ATRNL1: variants seen among roughly 807,000 people sequenced by gnomAD.
The protein encoded by ATRNL1 is attractin-like protein 1.
A neutral mutation model predicts 182.7 loss-of-function variants in ATRNL1; 95 were observed. That is an observed-to-expected ratio of 0.52 (90% CI 0.44 to 0.62). The LOEUF is 0.62. Ranked by LOEUF, ATRNL1 falls within the 20% of genes least tolerant of loss-of-function variation. The pLI, the probability that ATRNL1 is intolerant of heterozygous loss-of-function variation, is 0.00. For missense variants in ATRNL1, 1,471 were observed against 1,679.5 expected (o/e 0.88, Z 2.17); for synonymous variants, 576 against 568.3 (o/e 1.01, Z -0.19).
intron 27 of ATRNL1, among the ~76,000 whole-genome samples, chr10:115,770,476 T>G (rs567793394): frequency 7.2e-5 from 11 of 152,186 alleles, no homozygotes; most frequent in Non-Finnish European, 1.2e-4. Context: ...GAAAGGTAAC[T>G]GATTAAGCTT....
intron 15 of ATRNL1, among the ~76,000 whole-genome samples, chr10:115,295,751 G>A (rs1564888217): frequency 6.6e-6 from 1 of 152,138 alleles, no homozygotes; most frequent in African/African-American, 2.4e-5. Context: ...GCTCAGAAGT[G>A]CAGTGGTGGG....
intron 26 of ATRNL1, among the ~76,000 whole-genome samples, chr10:115,607,577 G>T (rs1856936114): frequency 6.6e-6 from 1 of 151,734 alleles, no homozygotes; most frequent in African/African-American, 2.4e-5. Context: ...TACAGTTGAG[G>T]AAATTGAGCT....
chr10:115,113,372 C>A (rs1844340431), intron 1 of ATRNL1, among the ~76,000 whole-genome samples: 1 of 152,114 alleles, frequency 6.6e-6, no homozygotes, highest in African/African-American at 2.4e-5. Context: ...CATTAGGCAT[C>A]CACCTTATAG....
chr10:115,770,002 G>A (rs1444167430), intron 27 of ATRNL1, among the ~76,000 whole-genome samples: 1 of 152,022 alleles, frequency 6.6e-6, no homozygotes, highest in African/African-American at 2.4e-5. Context: ...CCTCTCATTT[G>A]CACAAGTCCC....
intron 25 of ATRNL1, among the ~76,000 whole-genome samples, chr10:115,531,986 A>T (rs1228247485): frequency 2.0e-5 from 3 of 149,608 alleles, no homozygotes; most frequent in Admixed American, 1.3e-4. Flanking sequence ...CCATTGATCT[A>T]TATCTCTGTT....
intron 28 of ATRNL1, among the ~76,000 whole-genome samples, chr10:115,928,916 A>T (rs1387993308): frequency 1.3e-5 from 2 of 151,946 alleles, no homozygotes; most frequent in Admixed American, 6.6e-5. Context: ...TGATTCTCTC[A>T]TACTTTTAAG....
chr10:115,525,170 GT>G lies in ATRNL1; in HGVS notation c.3716+5848del, dbSNP rs1489644298. Among the ~76,000 whole-genome samples the G allele has an allele frequency of 2.0e-5, 3 of 152,110 alleles. No individual in the cohort carries two copies. In the East Asian group the frequency reaches 5.8e-4, roughly 29 times the overall value. The stretch of plus-strand genomic sequence containing the variant: ...TTGAAGCAACAACCCTCAGTCTCCT[GT>G]TCCTTCATTCTTACTTAAAATGAAA... On this transcript the variant is annotated intron_variant, in intron 25 of 28. Coordinates refer to ENST00000355044, the MANE Select transcript of ATRNL1 (RefSeq NM_207303.4).
At position 115,871,469 on chromosome 10, in the gene ATRNL1, T is replaced by TTATATATATA. The variant is rs1162576615; in HGVS notation, c.4018+23479_4018+23480insATATATATAT. ...TCCTAGAAAGGCCTGGTCAGATTCT[T>TTATATATATA]TGTGTGTGTGTATATATATATATAT... On this transcript the variant is annotated intron_variant, in intron 28 of 28. Transcript: ENST00000355044. 1.3e-3 allele frequency among the ~76,000 whole-genome samples: 184 copies of TTATATATATA among 140,302 alleles called. 6 individuals carry two copies. The highest frequency in any genetic ancestry group is 7.4e-3 in the Middle Eastern group (2 of 272). The allele number at this position is 140,302 out of a possible 152,430, so 92.0% of individuals were successfully genotyped here. A position where few individuals can be genotyped will look rare whatever the true frequency, so the allele number is the denominator to read the frequency against.
intron 19 of ATRNL1, among the ~76,000 whole-genome samples, chr10:115,339,368 T>G (rs1554937634): frequency 6.6e-6 from 1 of 152,198 alleles, no homozygotes; most frequent in Non-Finnish European, 1.5e-5. Context: ...AATGCATTTT[T>G]GGTATCCTCT....
intron 25 of ATRNL1, among the ~76,000 whole-genome samples, chr10:115,542,355 A>G (rs1554992275): frequency 6.6e-6 from 1 of 151,996 alleles, no homozygotes; most frequent in African/African-American, 2.4e-5. Flanking sequence ...AGTAGATTTT[A>G]TTCTTTCCCA....
At chr10:115,733,194 ATG>A (rs1947851129) in intron 27 of ATRNL1, among the ~76,000 whole-genome samples, 2 of 152,182 alleles carry the variant, frequency 1.3e-5, no homozygotes, top group African/African-American at 4.8e-5. Context: ...TGTTTACAGC[ATG>A]ATTAATTTTT....
intron 26 of ATRNL1, among the ~76,000 whole-genome samples, chr10:115,554,370 T>A (rs533498388): frequency 3.4e-4 from 51 of 151,776 alleles, no homozygotes; most frequent in Non-Finnish European, 5.6e-4. Flanking sequence ...ATAAATTTAC[T>A]TTAAAATAAC....
At chr10:115,649,245 G>T (rs1378312151) in intron 26 of ATRNL1, among the ~76,000 whole-genome samples, 2 of 151,960 alleles carry the variant, frequency 1.3e-5, no homozygotes, top group East Asian at 3.9e-4. Context: ...ATTTATTCAG[G>T]CCTAGTTAAA....
Position 115,120,797 on chromosome 10 carries a change from T to A in ATRNL1, c.377+529T>A, listed in dbSNP as rs554619066. 1.8e-4 allele frequency among the ~76,000 whole-genome samples: 27 copies of A among 152,238 alleles called. 2 individuals are homozygous for A. In the South Asian group the frequency reaches 5.0e-3, roughly 28 times the overall value. On this transcript the variant is annotated intron_variant, in intron 2 of 28. Transcript: ENST00000355044. ...GTTTTGTAATTTCTAAAGAGTATAT[T>A]TGGAAAATTTTGTATTTAAATTTTT...
intron 19 of ATRNL1, among the ~76,000 whole-genome samples, chr10:115,387,096 G>GATGTCCTTTGTAGGGACATC (rs1383600874): frequency 6.6e-6 from 1 of 151,446 alleles, no homozygotes; most frequent in Non-Finnish European, 1.5e-5. Context: ...CATAAAAAAT[G>GATGTCCTTTGTAGGGACATC]ATGTCCTTTG....
At position 115,621,301 on chromosome 10, in the gene ATRNL1, AGAGAGAGAGAGAGT is replaced by A. The variant is rs1386599573; in HGVS notation, c.3795+71767_3795+71780del. 3.3e-4 allele frequency among the ~76,000 whole-genome samples: 45 copies of A among 136,074 alleles called. 2 individuals are homozygous for A. The highest frequency in any genetic ancestry group is 2.7e-3 in the East Asian group (12 of 4,446). 89.3% of individuals were successfully genotyped at this position (136,074 alleles called of 152,430 possible). A position where few individuals can be genotyped will look rare whatever the true frequency, so the allele number is the denominator to read the frequency against. On this transcript the variant is annotated intron_variant, in intron 26 of 28. Transcript: ENST00000355044. The stretch of plus-strand genomic sequence containing the variant: ...TAGAGAGAGAGAGAGAGAGAGAGAG[AGAGAGAGAGAGAGT>A]GTGTGAGTGAGTCAGCATCTTACTT...
intron 5 of ATRNL1, among the ~76,000 whole-genome samples, chr10:115,130,443 T>C (rs1396920788): frequency 6.6e-6 from 1 of 152,104 alleles, no homozygotes; most frequent in Non-Finnish European, 1.5e-5. Context: ...AAAAGTGTTG[T>C]TGGGTATGTT....
At chr10:115,908,013 A>G (rs1589676586) in intron 28 of ATRNL1, among the ~76,000 whole-genome samples, 1 of 152,350 alleles carries the variant, frequency 6.6e-6, no homozygotes, top group East Asian at 1.9e-4. Flanking sequence ...ATCCATTACC[A>G]TGCAAATTCC....
intron 26 of ATRNL1, among the ~76,000 whole-genome samples, chr10:115,559,416 G>GTGTGTGTGTGTT (rs1853533655): frequency 1.7e-4 from 2 of 11,886 alleles, no homozygotes; most frequent in Admixed American, 2.8e-3. Context: ...CTTGGTGTTT[G>GTGTGTGTGTGTT]TGTGTGTGTG....
Sources: gnomAD v4.1 joint callset for allele counts (sites outside exome capture counted in the v4.1 genomes callset) on GRCh38, gnomAD v4.1.1 for gene constraint, MANE v1.5 for transcripts, NCBI Gene and HGNC (gene_info 2026-07-23, HGNC 2026-07-21) for gene names.